The following MYO10 variants were observed in gnomAD, a reference collection of about 807,000 sequenced individuals.
MYO10 encodes the protein unconventional myosin-X.
A neutral mutation model predicts 257.3 loss-of-function variants in MYO10; 133 were observed. That is an observed-to-expected ratio of 0.52 (90% confidence interval 0.45 to 0.60). The LOEUF (loss-of-function observed/expected upper bound fraction) is 0.60, where lower values mean the gene tolerates loss of function less well. Among genes scored for constraint, MYO10 ranks in the 20% least tolerant of loss-of-function variants. The pLI is 0.00. For missense variants in MYO10, 2,399 were observed against 2,635.7 expected, an observed-to-expected ratio of 0.91 and a Z score of 1.97; for synonymous variants, 1,104 against 1,028.6, an observed-to-expected ratio of 1.07 and a Z score of -1.40.
rs1737226718 is a variant in MYO10, at chr5:16,685,789, G to A, written c.3939C>T (p.Asp1313=). 4 of 1,605,136 alleles carry A rather than the reference G, an allele frequency of 2.5e-6. No individual in the cohort carries two copies. Among genetic ancestry groups the A allele is most frequent in the Non-Finnish European group, 3.4e-6 (4 of 1,176,340 alleles). The change falls in exon 29 of 41, where the codon GAC becomes GAT. Residue 1313 remains aspartate, a synonymous_variant. Transcript: ENST00000513610. ...CATCATGCATCTCCTGGATCTCCTG[G>A]TCCGTGGACGCGTGGACCTGACTCA... ...SVLSQVHAST[D]QEIQEMHDEQ...
intron 1 of MYO10, among the ~76,000 whole-genome samples, chr5:16,924,004 C>T (rs943318292): frequency 6.6e-6 from 1 of 152,082 alleles, no homozygotes; most frequent in African/African-American, 2.4e-5. Context: ...GTGGGAGGAT[C>T]GCCTGAGCCA....
intron 1 of MYO10, among the ~76,000 whole-genome samples, chr5:16,917,694 C>CAA (rs774760531): frequency 1.3e-4 from 12 of 94,360 alleles, no homozygotes; most frequent in South Asian, 1.0e-3. Flanking sequence ...CCCATCTCTA[C>CAA]AAAAAAAAAA....
chr5:16,781,878 A>G, intron 5 of MYO10, 49 bp from the exon 6 acceptor site: 1 of 1,599,084 alleles, frequency 6.3e-7, no homozygotes, highest in Non-Finnish European at 8.5e-7. Flanking sequence ...GGTGGGTCTG[A>G]AGACAGCAAT....
chr5:16,727,845 G>T (rs1449157391), intron 19 of MYO10, among the ~76,000 whole-genome samples: 1 of 142,084 alleles, frequency 7.0e-6, no homozygotes, highest in Non-Finnish European at 1.5e-5. Flanking sequence ...TAAAACTGGG[G>T]CACATACACT....
intron 2 of MYO10, among the ~76,000 whole-genome samples, chr5:16,874,377 A>C (rs1355612099): frequency 1.6e-5 from 2 of 126,724 alleles, no homozygotes; most frequent in East Asian, 3.6e-4. Flanking sequence ...TCTATCACAT[A>C]GTCAGGCTGC....
chr5:16,677,736 G>T (rs1433058499), intron 33 of MYO10, among the ~76,000 whole-genome samples: 2 of 151,066 alleles, frequency 1.3e-5, no homozygotes, highest in East Asian at 3.9e-4. Flanking sequence ...TAAGAAGCAT[G>T]GCTTCATATT....
intron 1 of MYO10, among the ~76,000 whole-genome samples, chr5:16,934,069 T>C (rs923881708): frequency 1.7e-4 from 26 of 152,098 alleles, no homozygotes; most frequent in African/African-American, 5.8e-4. Context: ...AACTGCAAAA[T>C]AATATTGATC....
intron 11 of MYO10, among the ~76,000 whole-genome samples, chr5:16,764,749 C>T (rs151070583): frequency 0.018 from 2,685 of 152,208 alleles, 74 homozygotes; most frequent in African/African-American, 0.062. Flanking sequence ...AGTGCAATGG[C>T]GTGATCTCGG....
At position 16,711,254 on chromosome 5, in the gene MYO10, TG is replaced by T; in HGVS notation, c.1930-10del. The T allele has an allele frequency of 1.3e-6, 2 of 1,496,932 alleles. No individual in the cohort carries two copies. Among genetic ancestry groups the T allele is most frequent in the Non-Finnish European group, 8.9e-7 (1 of 1,124,480 alleles). 92.7% of individuals were successfully genotyped at this position (1,496,932 alleles called of 1,614,324 possible). On this transcript the variant is annotated splice_polypyrimidine_tract_variant and intron_variant, in intron 19 of 40. Transcript: ENST00000513610. Reference sequence around the variant, plus strand: ...TCAAACTGGTCTGGCATCTAAACCATGCAAAAAAAAAAGATGGGATACCATT... The same window carrying T: ...TCAAACTGGTCTGGCATCTAAACCATCAAAAAAAAAAGATGGGATACCATT...
Position 16,934,960 on chromosome 5 carries a change from A to G in MYO10, c.21+828T>C, listed in dbSNP as rs577211591. Among the ~76,000 whole-genome samples, 7 of 152,320 alleles carry G rather than the reference A, an allele frequency of 4.6e-5. No homozygotes were observed. The East Asian group carries it at 1.4e-3, about 29-fold the overall frequency. On this transcript the variant is annotated intron_variant, in intron 1 of 40. Transcript: ENST00000513610. Reference sequence around the variant, plus strand: ...AAGTCAACTAAGTTTACTTTGAGCCACTTCAAACCTCAAACTTAAACAGAA... The same window carrying G: ...AAGTCAACTAAGTTTACTTTGAGCCGCTTCAAACCTCAAACTTAAACAGAA...
chr5:16,934,235 G>C (rs1746372517), intron 1 of MYO10, among the ~76,000 whole-genome samples: 1 of 152,360 alleles, frequency 6.6e-6, no homozygotes, highest in Non-Finnish European at 1.5e-5. Context: ...TTGCACTAGG[G>C]GGCAGAGTTC....
intron 19 of MYO10, among the ~76,000 whole-genome samples, chr5:16,739,146 T>C (rs575237448): frequency 7.0e-6 from 1 of 141,850 alleles, no homozygotes; most frequent in African/African-American, 2.6e-5. Context: ...TGATTGTGCT[T>C]GTAAATAGCC....
chr5:16,900,177 A>G (rs1745338391), intron 1 of MYO10, among the ~76,000 whole-genome samples: 1 of 152,198 alleles, frequency 6.6e-6, no homozygotes, highest in African/African-American at 2.4e-5. Context: ...TGAATTGCAC[A>G]GGTCGGTTCC....
chr5:16,843,011 A>G (rs930753729), intron 2 of MYO10, among the ~76,000 whole-genome samples: 5 of 151,600 alleles, frequency 3.3e-5, no homozygotes, highest in African/African-American at 1.2e-4. Flanking sequence ...TGGCTCAATC[A>G]TGAAACTGTC....
intron 2 of MYO10, among the ~76,000 whole-genome samples, chr5:16,856,857 G>A (rs959179879): frequency 2.0e-5 from 3 of 152,136 alleles, no homozygotes; most frequent in African/African-American, 4.8e-5. Flanking sequence ...CATCTTTCTG[G>A]TTCCTTCATG....
chr5:16,845,283 C>T (rs1403407955), intron 2 of MYO10, among the ~76,000 whole-genome samples: 1 of 152,040 alleles, frequency 6.6e-6, no homozygotes, highest in Non-Finnish European at 1.5e-5. Flanking sequence ...AATATAAGAC[C>T]ACAGAGATAA....
rs1385150747 is a variant in MYO10 at position 16,668,266 on chromosome 5, T to C, written c.6075+11A>G. The C allele has an allele frequency of 6.3e-7, 1 of 1,594,290 alleles. No individual in the cohort carries two copies. The highest frequency in any genetic ancestry group is 2.2e-5 in the East Asian group (1 of 44,634). ...CCATGAATAAAAAGATGAACTTGCT[T>C]TGCCTCTTACCTCACTGGTTTCAAA... On this transcript the variant is annotated intron_variant, in intron 40 of 40. Coordinates refer to ENST00000513610, the MANE Select transcript of MYO10 (RefSeq NM_012334.3).
chr5:16,811,509 C>T (rs1742440401), intron 3 of MYO10, among the ~76,000 whole-genome samples: 1 of 152,174 alleles, frequency 6.6e-6, no homozygotes, highest in African/African-American at 2.4e-5. Flanking sequence ...TCTCCATCTT[C>T]ATGTATGGTG....
chr5:16,736,223 T>G (rs1026022075), intron 19 of MYO10, among the ~76,000 whole-genome samples: 2 of 152,102 alleles, frequency 1.3e-5, no homozygotes, highest in Admixed American at 6.5e-5. Context: ...AGGTGAGAAG[T>G]GGAGAACAAG....
Sources: allele counts gnomAD v4.1 joint callset (sites outside exome capture counted in the v4.1 genomes callset), GRCh38; gene constraint gnomAD v4.1.1; transcripts MANE v1.5; gene names NCBI Gene and HGNC (gene_info 2026-07-23, HGNC 2026-07-21).